Variants in VAT1L observed in about 807,000 individuals in gnomAD.
VAT1L encodes vesicle amine transport 1 like, also known as putative NADPH-dependent quinone oxidoreductase VAT1L.
Under a neutral mutation model 44.1 loss-of-function variants are expected in VAT1L, and 34 were observed. The observed-to-expected ratio is 0.77, with a 90% confidence interval of 0.59 to 1.03. VAT1L has a LOEUF of 1.03. Ranked by LOEUF, VAT1L falls within the 50% of genes least tolerant of loss-of-function variation. The pLI, the probability that VAT1L is intolerant of heterozygous loss-of-function variation, is 0.00. For missense variants in VAT1L, 615 were observed against 538.8 expected (o/e 1.14, Z -1.40); for synonymous variants, 253 against 202.2 (o/e 1.25, Z -2.13).
chr16:77,967,946 A>G (rs2018240315), intron 7 of VAT1L, among the ~76,000 whole-genome samples: 1 of 152,226 alleles, frequency 6.6e-6, no homozygotes, highest in Admixed American at 6.5e-5. Flanking sequence ...GGCAGCCCTG[A>G]GTGCCAACCA....
At chr16:77,804,822 C>T (rs1404920545) in intron 1 of VAT1L, among the ~76,000 whole-genome samples, 1 of 152,204 alleles carries the variant, frequency 6.6e-6, no homozygotes, top group Admixed American at 6.5e-5. Context: ...GCAAGTCCCA[C>T]TGCAAAGAGA....
chr16:77,849,465 A>G (rs1312827751), intron 3 of VAT1L, among the ~76,000 whole-genome samples: 1 of 152,220 alleles, frequency 6.6e-6, no homozygotes, highest in Non-Finnish European at 1.5e-5. Context: ...CACTGATGAC[A>G]GCAGTGGTCC....
chr16:77,790,250 C>T (rs372674204), intron 1 of VAT1L, among the ~76,000 whole-genome samples: 1 of 152,190 alleles, frequency 6.6e-6, no homozygotes, highest in Non-Finnish European at 1.5e-5. Flanking sequence ...ACTCTGAACA[C>T]GACTCGTGAG....
intron 5 of VAT1L, among the ~76,000 whole-genome samples, chr16:77,877,164 T>C (rs1326183579): frequency 6.6e-6 from 1 of 152,136 alleles, no homozygotes; most frequent in Non-Finnish European, 1.5e-5. Flanking sequence ...AGGGCCTCCT[T>C]TCTCTCTTCT....
chr16:77,803,808 T>C (rs969656198), intron 1 of VAT1L, among the ~76,000 whole-genome samples: 1 of 152,178 alleles, frequency 6.6e-6, no homozygotes, highest in African/African-American at 2.4e-5. Flanking sequence ...ACCCTGTCCA[T>C]CTTTGGCTCC....
rs769111590 is a variant in VAT1L at position 77,825,363 on chromosome 16, T to A, written c.481T>A (p.Phe161Ile). The A allele has an allele frequency of 2.5e-6, 4 of 1,614,052 alleles. No homozygotes were observed. In the African/African-American group the frequency reaches 5.3e-5, roughly 22 times the overall value. Reference sequence around the variant, plus strand: ...CATGAGCTTCTCCGAGGCTGCTGCATTCCCCATGAACTTCGTCACAGCCTA... The same window carrying A: ...CATGAGCTTCTCCGAGGCTGCTGCAATCCCCATGAACTTCGTCACAGCCTA... ...DDMSFSEAAA[F>I]PMNFVTAYVM... Residue 161 changes from phenylalanine to isoleucine, a missense_variant, in exon 3 of 9, where the codon TTC (phenylalanine) becomes ATC (isoleucine). Coordinates refer to ENST00000302536, the MANE Select transcript of VAT1L (RefSeq NM_020927.3).
intron 7 of VAT1L, among the ~76,000 whole-genome samples, chr16:77,907,979 G>A (rs900910454): frequency 6.6e-6 from 1 of 152,134 alleles, no homozygotes; most frequent in South Asian, 2.1e-4. Context: ...GGGGGCTCAC[G>A]CCTGTAATCC....
intron 7 of VAT1L, among the ~76,000 whole-genome samples, chr16:77,905,363 G>C (rs2017427117): frequency 6.6e-6 from 1 of 152,094 alleles, no homozygotes; most frequent in South Asian, 2.1e-4. Context: ...TCTCGCTGCT[G>C]ACCTCTTCTG....
intron 7 of VAT1L, among the ~76,000 whole-genome samples, chr16:77,925,931 G>A (rs971257897): frequency 1.3e-5 from 2 of 152,098 alleles, no homozygotes; most frequent in African/African-American, 2.4e-5. Context: ...TGGCATGTAT[G>A]CATTTGATCC....
intron 3 of VAT1L, among the ~76,000 whole-genome samples, chr16:77,850,381 G>C (rs559358506): frequency 5.1e-4 from 77 of 152,296 alleles, no homozygotes; most frequent in African/African-American, 1.8e-3. Flanking sequence ...TCCCTCAGGT[G>C]CTTAGCAGTA....
chr16:77,858,911 G>A (rs548599350), intron 3 of VAT1L, among the ~76,000 whole-genome samples: 3 of 152,112 alleles, frequency 2.0e-5, no homozygotes, highest in South Asian at 2.1e-4. Flanking sequence ...CGAGGCGGGC[G>A]GGTCACCTGA....
intron 3 of VAT1L, among the ~76,000 whole-genome samples, chr16:77,836,994 C>A (rs2016646632): frequency 6.6e-6 from 1 of 152,162 alleles, no homozygotes; most frequent in Admixed American, 6.5e-5. Flanking sequence ...AACTGAGACA[C>A]AGAGAGGTTA....
chr16:77,899,562 T>G (rs2142474579), intron 7 of VAT1L, among the ~76,000 whole-genome samples: 1 of 152,374 alleles, frequency 6.6e-6, no homozygotes, highest in South Asian at 2.1e-4. Context: ...TTGATACAAC[T>G]TGAGCTTGCT....
intron 7 of VAT1L, among the ~76,000 whole-genome samples, chr16:77,959,077 G>A (rs965945861): frequency 6.6e-6 from 1 of 152,214 alleles, no homozygotes; most frequent in Non-Finnish European, 1.5e-5. Flanking sequence ...CTGCACTTGT[G>A]TGACTCAGAG....
chr16:77,950,437 C>CACACAT (rs1555521944), intron 7 of VAT1L, among the ~76,000 whole-genome samples: 1 of 151,640 alleles, frequency 6.6e-6, no homozygotes, highest in Admixed American at 6.6e-5. Flanking sequence ...CACACACACA[C>CACACAT]ACACACACAC....
In VAT1L at chr16:77,847,410, C is replaced by T. The variant is rs141859288; in HGVS notation, c.580-15338C>T. Among the ~76,000 whole-genome samples the T allele has an allele frequency of 2.0e-4, 31 of 152,254 alleles. 1 individual carries two copies. The highest frequency in any genetic ancestry group is 7.0e-4 in the African/African-American group (29 of 41,562). On this transcript the variant is annotated intron_variant, in intron 3 of 8. Transcript: ENST00000302536. ...ACGTATAAACCTGTGGTCCTGGAAA[C>T]GTATTGCCCTCATCCTGTGCTAGCT...
At position 77,839,741 on chromosome 16, in the gene VAT1L, C is replaced by T. The variant is rs77157883; in HGVS notation, c.579+14280C>T. On this transcript the variant is annotated intron_variant, in intron 3 of 8. Transcript: ENST00000302536. ...CCTCCAGGAGACTCTAATGCATGCT[C>T]AAGGTTGAGAACCACTGATGCAGAG... Among the ~76,000 whole-genome samples the T allele has an allele frequency of 1.7e-3, 261 of 152,000 alleles. 5 individuals carry two copies. In the East Asian group the frequency reaches 0.035, roughly 21 times the overall value.
rs372617017 is a variant in VAT1L, at chr16:77,881,682, T to G, written c.882+2458T>G. Among the ~76,000 whole-genome samples, 28 of 152,326 alleles carry G rather than the reference T, an allele frequency of 1.8e-4. No homozygotes were observed. The East Asian group carries it at 5.0e-3, about 27-fold the overall frequency. On this transcript the variant is annotated intron_variant, in intron 6 of 8. Coordinates refer to ENST00000302536, the MANE Select transcript of VAT1L (RefSeq NM_020927.3). ...CAAATCAAAGGTCTTCTCTTTGCATTTGGGCTTTAAAATATGGGTCAAGGA... is the reference window on the plus strand; with the variant it reads ...CAAATCAAAGGTCTTCTCTTTGCATGTGGGCTTTAAAATATGGGTCAAGGA...
chr16:77,816,512 A>G (rs1188596268), intron 1 of VAT1L, among the ~76,000 whole-genome samples: 1 of 152,266 alleles, frequency 6.6e-6, no homozygotes, highest in African/African-American at 2.4e-5. Flanking sequence ...GCTGCTTTCC[A>G]TGTGTCTGTT....
Sources: gnomAD v4.1 joint callset for allele counts (sites outside exome capture counted in the v4.1 genomes callset) on GRCh38, gnomAD v4.1.1 for gene constraint, MANE v1.5 for transcripts, NCBI Gene and HGNC (gene_info 2026-07-23, HGNC 2026-07-21) for gene names.